The following ADAMTS19 variants were observed in gnomAD, a reference collection of about 807,000 sequenced individuals.
The protein encoded by ADAMTS19 is ADAM metallopeptidase with thrombospondin type 1 motif 19.
In ADAMTS19, 93 loss-of-function variants were observed where a neutral mutation model predicts 153.3. That is an observed-to-expected ratio of 0.61 (90% confidence interval 0.51 to 0.72). The LOEUF (loss-of-function observed/expected upper bound fraction) is 0.72, where lower values mean the gene tolerates loss of function less well. Ranked by LOEUF, ADAMTS19 falls within the 30% of genes least tolerant of loss-of-function variation. The pLI is 0.00. For missense variants in ADAMTS19, 1,482 were observed against 1,552.1 expected, an observed-to-expected ratio of 0.95 and a Z score of 0.76; for synonymous variants, 600 against 556.6, an observed-to-expected ratio of 1.08 and a Z score of -1.10.
chr5:129,560,923 T>C (rs1005127996), intron 7 of ADAMTS19, among the ~76,000 whole-genome samples: 17 of 152,188 alleles, frequency 1.1e-4, no homozygotes, highest in African/African-American at 3.9e-4. Flanking sequence ...AAGGTAGTAA[T>C]TATTAAACTT....
intron 7 of ADAMTS19, among the ~76,000 whole-genome samples, chr5:129,559,620 A>T (rs1422378917): frequency 6.6e-6 from 1 of 152,216 alleles, no homozygotes; most frequent in Non-Finnish European, 1.5e-5. Flanking sequence ...GCATTTGTAC[A>T]ACTTGACGTC....
chr5:129,669,811 T>G (rs1416245606), intron 16 of ADAMTS19, among the ~76,000 whole-genome samples: 1 of 152,110 alleles, frequency 6.6e-6, no homozygotes, highest in African/African-American at 2.4e-5. Context: ...TAATTCCCCA[T>G]GTGATTTTTT....
chr5:129,467,971 G>A (rs1302248393), intron 2 of ADAMTS19, among the ~76,000 whole-genome samples: 1 of 152,158 alleles, frequency 6.6e-6, no homozygotes, highest in East Asian at 1.9e-4. Flanking sequence ...CACACACGTG[G>A]TATTACCACA....
chr5:129,461,182 G>A lies in ADAMTS19; in HGVS notation c.172G>A (p.Gly58Ser). The change falls in exon 2 of 23, where the codon GGC becomes AGC. Residue 58 changes from glycine (G) to serine (S), a missense_variant. Coordinates refer to ENST00000274487, the MANE Select transcript of ADAMTS19 (RefSeq NM_133638.6). The surrounding 1 kb of genome is among the most constrained non-coding windows in gnomAD (Gnocchi z 4.6). ...LWRREPVDPA[G>S]GSGGSADPGW... Reference sequence around the variant, plus strand: ...GCGCCGGGAGCCGGTGGACCCGGCTGGCGGCAGCGGGGGCAGCGCGGACCC... The same window carrying A: ...GCGCCGGGAGCCGGTGGACCCGGCTAGCGGCAGCGGGGGCAGCGCGGACCC... 1.5e-6 allele frequency: 2 copies of A among 1,364,998 alleles called. No homozygotes were observed. Among genetic ancestry groups the A allele is most frequent in the Non-Finnish European group, 1.9e-6 (2 of 1,057,142 alleles). 84.6% of individuals were successfully genotyped at this position (1,364,998 alleles called of 1,614,324 possible).
At chr5:129,649,158 G>A (rs1753202949) in intron 13 of ADAMTS19, among the ~76,000 whole-genome samples, 188 bp downstream of exon 13, 1 of 152,202 alleles carries the variant, frequency 6.6e-6, no homozygotes, top group Non-Finnish European at 1.5e-5. Context: ...ATGAGGAGCT[G>A]TTACCCCATA....
chr5:129,702,941 A>AAAAAATATATATAT, intron 20 of ADAMTS19, among the ~76,000 whole-genome samples: 12 of 29,300 alleles, frequency 4.1e-4, no homozygotes, highest in East Asian at 2.7e-3. Flanking sequence ...AAAAAAAAAA[A>AAAAAATATATATAT]ATATATATAT....
chr5:129,534,331 G>T (rs375503070), intron 6 of ADAMTS19, among the ~76,000 whole-genome samples: 14 of 152,162 alleles, frequency 9.2e-5, no homozygotes, highest in Admixed American at 7.2e-4. Flanking sequence ...TAGAAGAAAT[G>T]GATAAATTCC....
chr5:129,674,492 T>G (rs1283104597), intron 16 of ADAMTS19, among the ~76,000 whole-genome samples: 1 of 152,138 alleles, frequency 6.6e-6, no homozygotes, highest in Non-Finnish European at 1.5e-5. Flanking sequence ...CTCTGGCTTC[T>G]GTTGGACTGA....
intron 7 of ADAMTS19, among the ~76,000 whole-genome samples, chr5:129,585,757 G>T (rs1298687428): frequency 6.6e-6 from 1 of 152,106 alleles, no homozygotes; most frequent in Admixed American, 6.5e-5. Flanking sequence ...ACATAGTATA[G>T]AATTAGAGGT....
chr5:129,689,648 A>G (rs1755244433), intron 18 of ADAMTS19, among the ~76,000 whole-genome samples: 1 of 152,020 alleles, frequency 6.6e-6, no homozygotes, highest in African/African-American at 2.4e-5. Flanking sequence ...GCTGGTCTCA[A>G]ACTGCTGACC....
At chr5:129,462,454 G>A (rs988766313) in intron 2 of ADAMTS19, among the ~76,000 whole-genome samples, 3 of 152,108 alleles carry the variant, frequency 2.0e-5, no homozygotes, top group Admixed American at 6.5e-5. Flanking sequence ...ACTTTTTGGA[G>A]GAAAGGAGCA....
Position 129,684,751 on chromosome 5 carries a change from G to A in ADAMTS19, c.2818+478G>A, listed in dbSNP as rs528361892. ...GCCTGTAATCCCAGCACTCTGGGAG[G>A]CCGAGGCGGGCAGATCACGAGGTCA... On this transcript the variant is annotated intron_variant, in intron 18 of 22. Coordinates refer to ENST00000274487, the MANE Select transcript of ADAMTS19 (RefSeq NM_133638.6). 5.9e-5 allele frequency among the ~76,000 whole-genome samples: 9 copies of A among 151,984 alleles called. No homozygotes were observed. The East Asian group carries it at 1.7e-3, about 30-fold the overall frequency.
At chr5:129,705,454 G>A (rs929805971) in intron 21 of ADAMTS19, among the ~76,000 whole-genome samples, 3 of 152,084 alleles carry the variant, frequency 2.0e-5, no homozygotes, top group Admixed American at 6.6e-5. Flanking sequence ...TATGCCTTTT[G>A]TCTCTAAGAA....
At chr5:129,620,462 C>T (rs1751729055) in intron 8 of ADAMTS19, among the ~76,000 whole-genome samples, 156 bp from the exon 9 acceptor site, 1 of 151,996 alleles carries the variant, frequency 6.6e-6, no homozygotes, top group Non-Finnish European at 1.5e-5. Context: ...TTAACTTAAT[C>T]TGAAATCTAA....
rs144145337 is a variant in ADAMTS19, at chr5:129,668,907, T to C, written c.2506+3328T>C. 2.5e-3 allele frequency among the ~76,000 whole-genome samples: 380 copies of C among 152,262 alleles called. 1 individual carries two copies. Among genetic ancestry groups the C allele is most frequent in the African/African-American group, 7.5e-3 (312 of 41,564 alleles). ...ATTTTAAAATTCATGTGAAATTTTA[T>C]ATACGGAAGTGACCCTGAATAGTCA... On this transcript the variant is annotated intron_variant, in intron 16 of 22. Transcript: ENST00000274487.
chr5:129,711,723 T>A (rs907234623), intron 21 of ADAMTS19, among the ~76,000 whole-genome samples: 1 of 152,110 alleles, frequency 6.6e-6, no homozygotes. Flanking sequence ...AAAATTTTGT[T>A]CCATGGAGAG....
chr5:129,638,989 C>T (rs551523132), intron 10 of ADAMTS19, among the ~76,000 whole-genome samples: 106 of 152,168 alleles, frequency 7.0e-4, no homozygotes, highest in African/African-American at 2.5e-3. Flanking sequence ...ATATTATATT[C>T]TTTTAATAAA....
intron 2 of ADAMTS19, among the ~76,000 whole-genome samples, chr5:129,464,995 G>A (rs369192642): frequency 7.2e-5 from 11 of 152,072 alleles, no homozygotes; most frequent in African/African-American, 2.2e-4. Flanking sequence ...AAGCAGTCTC[G>A]ATATATTTCA....
At chr5:129,578,776 CT>C (rs1414256782) in intron 7 of ADAMTS19, among the ~76,000 whole-genome samples, 1 of 152,108 alleles carries the variant, frequency 6.6e-6, no homozygotes, top group Non-Finnish European at 1.5e-5. Flanking sequence ...TGAACTCATC[CT>C]TTTTTATGGC....
Sources: allele counts gnomAD v4.1 joint callset (sites outside exome capture counted in the v4.1 genomes callset), GRCh38; gene constraint gnomAD v4.1.1; non-coding constraint Gnocchi (gnomAD v3.1); transcripts MANE v1.5; gene names NCBI Gene and HGNC (gene_info 2026-07-23, HGNC 2026-07-21).